HERC2: variants seen among roughly 807,000 people sequenced by gnomAD.
HERC2 encodes the protein HECT and RLD domain containing E3 ubiquitin protein ligase 2, also known as E3 ubiquitin-protein ligase HERC2.
In HERC2, 102 loss-of-function variants were observed where a neutral mutation model predicts 537.7. That is an observed-to-expected ratio of 0.19 (90% CI 0.16 to 0.22). HERC2 has a LOEUF of 0.22. HERC2 is among the 10% of genes least tolerant of loss of function. The pLI is 1.00. For missense variants in HERC2, 4,236 were observed against 6,198.2 expected (o/e 0.68, Z 10.63); for synonymous variants, 2,224 against 2,466.2 (o/e 0.90, Z 2.91).
rs1426898700 is a variant in HERC2, at chr15:28,122,817, T to G, written c.13188+1220A>C. Among the ~76,000 whole-genome samples the G allele has an allele frequency of 6.6e-6, 1 of 152,028 alleles. No homozygotes were observed. The highest frequency in any genetic ancestry group is 2.4e-5 in the African/African-American group (1 of 41,412). On this transcript the variant is annotated intron_variant, in intron 85 of 92. Transcript: ENST00000261609. The surrounding 1 kb of genome is among the most constrained non-coding windows in gnomAD (Gnocchi z 4.1). ...AGCCCCAGCAGGTGCCAGATGCTGC[T>G]GCCCACCGCTCCCCTACCACACACC...
In HERC2 at chr15:28,310,633, CATG is replaced by C. The variant is rs2076915972; in HGVS notation, c.72+10726_72+10728del. 4.6e-5 allele frequency among the ~76,000 whole-genome samples: 7 copies of C among 152,254 alleles called. No individual in the cohort carries two copies. In the South Asian group the frequency reaches 1.2e-3, roughly 27 times the overall value. On this transcript the variant is annotated intron_variant, in intron 2 of 92. Transcript: ENST00000261609. The stretch of plus-strand genomic sequence containing the variant: ...TCAGTCCAAACCCTACCACAATGCA[CATG>C]ATAAGAGGCTAACAGCGGTCAGAAC...
At chr15:28,298,865 T>A (rs2076545101) in intron 3 of HERC2, among the ~76,000 whole-genome samples, 2 of 151,974 alleles carry the variant, frequency 1.3e-5, no homozygotes, top group South Asian at 4.2e-4. Flanking sequence ...TATTTCAACT[T>A]AGAATAAATA....
chr15:28,167,132 A>G (rs1289115443), intron 68 of HERC2, among the ~76,000 whole-genome samples: 2 of 152,240 alleles, frequency 1.3e-5, no homozygotes, highest in Non-Finnish European at 2.9e-5. Flanking sequence ...GGAACAAGAC[A>G]TTGACATAAT....
At chr15:28,278,565 G>A (rs868430533) in intron 5 of HERC2, among the ~76,000 whole-genome samples, 1 of 152,092 alleles carries the variant, frequency 6.6e-6, no homozygotes, top group African/African-American at 2.4e-5. Context: ...GAAACCCACA[G>A]ACACAGAGAG....
At chr15:28,178,849 G>T in intron 59 of HERC2, 38 bp downstream of exon 59, 1 of 1,588,202 alleles carries the variant, frequency 6.3e-7, no homozygotes, top group South Asian at 1.1e-5. Flanking sequence ...CAGGAGCAAA[G>T]GCCGCCCCGC....
chr15:28,119,476 C>T (rs141437532), intron 86 of HERC2, among the ~76,000 whole-genome samples: 204 of 143,562 alleles, frequency 1.4e-3, no homozygotes, highest in African/African-American at 5.2e-3. Flanking sequence ...TGCTTTGAGA[C>T]AGTGTCTGGC....
intron 70 of HERC2, among the ~76,000 whole-genome samples, chr15:28,147,386 C>A (rs59237367): frequency 6.6e-6 from 1 of 152,148 alleles, no homozygotes; most frequent in Non-Finnish European, 1.5e-5. Context: ...CTTAGCACTT[C>A]GGGAGGCCGA....
intron 2 of HERC2, among the ~76,000 whole-genome samples, chr15:28,320,839 T>A (rs1259552196): frequency 6.6e-6 from 1 of 152,060 alleles, no homozygotes; most frequent in African/African-American, 2.4e-5. Flanking sequence ...TTCCTCACAT[T>A]CTTGATGTGA....
intron 2 of HERC2, among the ~76,000 whole-genome samples, chr15:28,302,764 T>G (rs1426047129): frequency 3.4e-5 from 5 of 147,200 alleles, no homozygotes; most frequent in African/African-American, 1.3e-4. Flanking sequence ...CCAACCATGT[T>G]GAGCACCTGT....
intron 2 of HERC2, among the ~76,000 whole-genome samples, chr15:28,306,374 A>C (rs1269700695): frequency 2.6e-5 from 4 of 152,304 alleles, no homozygotes; most frequent in African/African-American, 9.6e-5. Flanking sequence ...TATCAAACTG[A>C]TTGATTTGGA....
At chr15:28,293,321 A>G (rs951935047) in intron 3 of HERC2, among the ~76,000 whole-genome samples, 3 of 151,980 alleles carry the variant, frequency 2.0e-5, no homozygotes, top group African/African-American at 4.8e-5. Flanking sequence ...GTGAAACCCC[A>G]TCTCTACTAA....
At chr15:28,309,575 T>A (rs570462318) in intron 2 of HERC2, among the ~76,000 whole-genome samples, 14 of 152,268 alleles carry the variant, frequency 9.2e-5, no homozygotes, top group Non-Finnish European at 2.1e-4. Context: ...AAGCAGCCAA[T>A]GAACTGCCTG....
Position 28,233,248 on chromosome 15 carries a change from A to C in HERC2, c.4573T>G (p.Cys1525Gly), listed in dbSNP as rs1477498679. 6.3e-7 allele frequency: 1 copy of C among 1,583,602 alleles called. No individual in the cohort carries two copies. Among genetic ancestry groups the C allele is most frequent in the Non-Finnish European group, 8.7e-7 (1 of 1,154,814 alleles). ...FLFNELRPAVCNDLSIMSKFK... is the reference protein window; with the variant it reads ...FLFNELRPAVGNDLSIMSKFK... ...TTAGACATTATAGAGAGGTCATTAC[A>C]AACAGCAGGTCTCAATTCATTAAAG... Residue 1525 changes from cysteine to glycine, a missense_variant, in exon 30 of 93, where the codon TGT becomes GGT. By Grantham distance (159) the Cys-to-Gly change is radical (BLOSUM62 -3). Around this residue, in one of 27 missense-constraint regions of HERC2, gnomAD observed 343 missense variants for 417.2 expected, o/e 0.82. Coordinates refer to ENST00000261609, the MANE Select transcript of HERC2 (RefSeq NM_004667.6).
At chr15:28,184,242 T>C (rs755011091) in intron 56 of HERC2, among the ~76,000 whole-genome samples, 5 of 152,136 alleles carry the variant, frequency 3.3e-5, no homozygotes, top group Non-Finnish European at 5.9e-5. Context: ...CATATATGTA[T>C]GCATGTATGT....
intron 3 of HERC2, among the ~76,000 whole-genome samples, chr15:28,294,102 C>G (rs374182450): frequency 6.6e-6 from 1 of 152,342 alleles, no homozygotes; most frequent in South Asian, 2.1e-4. Context: ...ATTTCTGACA[C>G]CAAATGCATG....
At chr15:28,210,598 G>A (rs1027938159) in intron 44 of HERC2, among the ~76,000 whole-genome samples, 16 of 152,142 alleles carry the variant, frequency 1.1e-4, no homozygotes, top group African/African-American at 3.8e-4. Flanking sequence ...ATTCCCAGCA[G>A]CAGCCTGTTC....
At chr15:28,203,369 T>A (rs2140350742) in intron 45 of HERC2, 1 of 150,312 alleles carries the variant, frequency 6.7e-6, no homozygotes, top group Admixed American at 6.6e-5. Context: ...GCTCAGGAAG[T>A]ATCAAAGCCT....
In HERC2 at chr15:28,132,656, C is replaced by T; in HGVS notation, c.12405G>A (p.Lys4135=). 6.6e-7 allele frequency: 1 copy of T among 1,521,628 alleles called. No homozygotes were observed. The allele number at this position is 1,521,628 out of a possible 1,614,324, so 94.3% of individuals were successfully genotyped here. A position where few individuals can be genotyped will look rare whatever the true frequency, so the allele number is the denominator to read the frequency against. Residue 4135 remains lysine (K), a synonymous_variant, in exon 80 of 93, where the codon AAG becomes AAA. Transcript: ENST00000261609. ...HSDSEDQLKP[K]LVEALQGHRV... ...TCTGCACACGGCGCCTCCTCACCAG[C>T]TTCGGCTTCAGCTGGTCCTCACTGT...
chr15:28,114,672 T>C lies in HERC2; in HGVS notation c.13853A>G (p.Lys4618Arg). The C allele has an allele frequency of 1.9e-6, 3 of 1,614,096 alleles. No individual in the cohort carries two copies. Among genetic ancestry groups the C allele is most frequent in the Non-Finnish European group, 1.7e-6 (2 of 1,180,026 alleles). ...GTTGTCCAGGGTGATGTGTGTGTGC[T>C]TGGAGCTCAACTGAATGTCCTGGCC... ...ASGQDIQLSS[K>R]HTHITLDNRA... The change falls in exon 90 of 93, where the codon AAG becomes AGG. Residue 4618 changes from lysine to arginine, a missense_variant. Coordinates refer to ENST00000261609, the MANE Select transcript of HERC2 (RefSeq NM_004667.6).
Sources: gnomAD v4.1 joint callset for allele counts (sites outside exome capture counted in the v4.1 genomes callset) on GRCh38, gnomAD v4.1.1 for gene constraint, gnomAD v4.1.1 regional missense constraint, Gnocchi (gnomAD v3.1) non-coding constraint, MANE v1.5 for transcripts, NCBI Gene and HGNC (gene_info 2026-07-23, HGNC 2026-07-21) for gene names.